The following PLCB1 variants were observed in gnomAD, a reference collection of about 807,000 sequenced individuals.
PLCB1 encodes the protein 1-phosphatidylinositol 4,5-bisphosphate phosphodiesterase beta-1.
PLCB1 carries 46 observed loss-of-function variants against 161.8 expected under a neutral mutation model. The ratio of observed to expected loss-of-function variants is 0.28; its 90% CI spans 0.22 to 0.36. The LOEUF is 0.36. PLCB1 is among the 10% of genes least tolerant of loss of function. The pLI is 1.00. For synonymous variants in PLCB1, 517 were observed against 503.7 expected, an observed-to-expected ratio of 1.03 and a Z score of -0.35; for missense variants, 1,016 against 1,472.5, an observed-to-expected ratio of 0.69 and a Z score of 5.07.
chr20:8,444,552 G>C (rs1980725644), intron 3 of PLCB1, among the ~76,000 whole-genome samples: 2 of 152,120 alleles, frequency 1.3e-5, no homozygotes, highest in African/African-American at 4.8e-5. Flanking sequence ...ATAGTCCTTT[G>C]GGTATATACC....
chr20:8,643,309 A>G (rs1225307031), intron 4 of PLCB1, among the ~76,000 whole-genome samples: 1 of 152,150 alleles, frequency 6.6e-6, no homozygotes, highest in African/African-American at 2.4e-5. Context: ...CCAGACACCT[A>G]AATGCTCTTT....
chr20:8,547,299 G>A (rs1041356780), intron 3 of PLCB1, among the ~76,000 whole-genome samples: 2 of 152,064 alleles, frequency 1.3e-5, no homozygotes, highest in Non-Finnish European at 2.9e-5. Flanking sequence ...AAACAATTAT[G>A]GCATTTTCAG....
At chr20:8,489,463 T>C (rs1982858278) in intron 3 of PLCB1, among the ~76,000 whole-genome samples, 1 of 152,254 alleles carries the variant, frequency 6.6e-6, no homozygotes, top group Non-Finnish European at 1.5e-5. Flanking sequence ...CCTGTCTTTA[T>C]GTAACTGCTC....
chr20:8,214,058 G>A (rs1408117927), intron 2 of PLCB1, among the ~76,000 whole-genome samples: 3 of 152,066 alleles, frequency 2.0e-5, no homozygotes, highest in African/African-American at 7.2e-5. Flanking sequence ...TGATTAAGGT[G>A]ACTAAAAAGC....
chr20:8,515,764 T>C (rs1335900596), intron 3 of PLCB1, among the ~76,000 whole-genome samples: 1 of 152,222 alleles, frequency 6.6e-6, no homozygotes, highest in Admixed American at 6.5e-5. Context: ...AGCTAAAAAC[T>C]GTCTATCATT....
rs778824465 is a variant in PLCB1 at position 8,628,336 on chromosome 20, C to T, written c.289C>T (p.Arg97Cys). Residue 97 changes from arginine (R) to cysteine (C), a missense_variant, in exon 4 of 32, where the codon CGC becomes TGC. This residue lies in a region of PLCB1 where 181 missense variants were observed against 236.7 expected (regional missense o/e 0.76). Coordinates refer to ENST00000338037, the MANE Select transcript of PLCB1 (RefSeq NM_015192.4). The stretch of plus-strand genomic sequence containing the variant: ...ACTTTTGGATGTGGGGAACATCGGG[C>T]GCCTGGAGCAGCGCATGATCACAGT... ...RELLDVGNIG[R>C]LEQRMITVVY... 57 of 1,613,706 alleles carry T rather than the reference C, an allele frequency of 3.5e-5. 2 individuals are homozygous for T. In the South Asian group the frequency reaches 4.7e-4, roughly 13 times the overall value.
rs137907384 is a variant in PLCB1, at chr20:8,353,593, G to A, written c.178-17789G>A. ...CCTTTGACATGATGTGATGAAAATG[G>A]CATTTTACCTCTGTGGTCTCTCTCC... On this transcript the variant is annotated intron_variant, in intron 2 of 31. Coordinates refer to ENST00000338037, the MANE Select transcript of PLCB1 (RefSeq NM_015192.4). Among the ~76,000 whole-genome samples, 1,077 of 152,112 alleles carry A rather than the reference G, an allele frequency of 7.1e-3. 12 individuals carry two copies. Among genetic ancestry groups the A allele is most frequent in the African/African-American group, 0.024 (989 of 41,512 alleles).
rs1981816276 is a variant in PLCB1, at chr20:8,466,254, C to T, written c.246+94804C>T. 2.7e-5 allele frequency among the ~76,000 whole-genome samples: 4 copies of T among 148,822 alleles called. No individual in the cohort carries two copies. In the South Asian group the frequency reaches 6.3e-4, roughly 24 times the overall value. On this transcript the variant is annotated intron_variant, in intron 3 of 31. Coordinates refer to ENST00000338037, the MANE Select transcript of PLCB1 (RefSeq NM_015192.4). ...AAACCAAACACCACATATTCTCGCT[C>T]ATAGGTGGGAATTGAACAATGAGAA...
chr20:8,731,571 A>G (rs112990984), intron 18 of PLCB1, among the ~76,000 whole-genome samples: 248 of 152,088 alleles, frequency 1.6e-3, no homozygotes, highest in African/African-American at 5.7e-3. Flanking sequence ...CTATTTGACT[A>G]ATGTTTTAGA....
At chr20:8,629,615 A>C (rs1344069073) in intron 4 of PLCB1, among the ~76,000 whole-genome samples, 1 of 152,182 alleles carries the variant, frequency 6.6e-6, no homozygotes, top group Non-Finnish European at 1.5e-5. Flanking sequence ...GAAAACTTTG[A>C]GTTCTGCATA....
chr20:8,776,098 C>G (rs1390401727), intron 27 of PLCB1, among the ~76,000 whole-genome samples: 2 of 152,118 alleles, frequency 1.3e-5, no homozygotes, highest in African/African-American at 4.8e-5. Flanking sequence ...AGCAACTCAT[C>G]CCCAGTAGTC....
intron 3 of PLCB1, among the ~76,000 whole-genome samples, chr20:8,529,037 C>T (rs1173125571): frequency 2.6e-5 from 4 of 151,776 alleles, no homozygotes; most frequent in African/African-American, 9.7e-5. Flanking sequence ...CCAGTCCCTT[C>T]AGTATCAGAT....
intron 4 of PLCB1, among the ~76,000 whole-genome samples, chr20:8,633,101 TACACACACACACACACACACACAC>T (rs58802999): frequency 9.8e-5 from 14 of 142,352 alleles, no homozygotes; most frequent in Middle Eastern, 3.6e-3. Context: ...TGCATGTATG[TACACACACACACACACACACACAC>T]ACACACACAC....
At chr20:8,548,131 C>T (rs1985625210) in intron 3 of PLCB1, among the ~76,000 whole-genome samples, 1 of 148,914 alleles carries the variant, frequency 6.7e-6, no homozygotes, top group African/African-American at 2.5e-5. Flanking sequence ...TTCTTTTTTT[C>T]CATTCTCTCC....
At chr20:8,733,042 T>C (rs889636133) in intron 18 of PLCB1, among the ~76,000 whole-genome samples, 196 bp from the exon 19 acceptor site, 3 of 151,936 alleles carry the variant, frequency 2.0e-5, no homozygotes, top group African/African-American at 7.3e-5. Flanking sequence ...CACCCACCAG[T>C]TGGCAGTGAT....
chr20:8,283,003 C>T (rs191417800), intron 2 of PLCB1, among the ~76,000 whole-genome samples: 3 of 152,204 alleles, frequency 2.0e-5, no homozygotes. Context: ...CCTGGACTCC[C>T]TCCATATTGT....
intron 3 of PLCB1, among the ~76,000 whole-genome samples, chr20:8,432,199 C>T (rs369311707): frequency 9.9e-5 from 15 of 152,118 alleles, no homozygotes; most frequent in African/African-American, 3.4e-4. Context: ...GAAACAGGGA[C>T]GCTCCGCAAG....
At chr20:8,299,125 A>G (rs1212748582) in intron 2 of PLCB1, among the ~76,000 whole-genome samples, 1 of 152,046 alleles carries the variant, frequency 6.6e-6, no homozygotes, top group African/African-American at 2.4e-5. Context: ...ACATTATAGC[A>G]CCTGTACTTC....
intron 20 of PLCB1, among the ~76,000 whole-genome samples, chr20:8,738,087 A>G (rs1980675887): frequency 6.6e-6 from 1 of 152,252 alleles, no homozygotes; most frequent in Admixed American, 6.5e-5. Flanking sequence ...GATGTTTCAC[A>G]CTGAGGAAAG....
Sources: gnomAD v4.1 joint callset for allele counts (sites outside exome capture counted in the v4.1 genomes callset) on GRCh38, gnomAD v4.1.1 for gene constraint, gnomAD v4.1.1 regional missense constraint, MANE v1.5 for transcripts, NCBI Gene and HGNC (gene_info 2026-07-23, HGNC 2026-07-21) for gene names.